LYST: variants seen among roughly 807,000 people sequenced by gnomAD.
LYST encodes the protein lysosomal-trafficking regulator.
In LYST, 192 loss-of-function variants were observed where a neutral mutation model predicts 413.6. The ratio of observed to expected loss-of-function variants is 0.46; its 90% CI spans 0.41 to 0.52. The LOEUF (loss-of-function observed/expected upper bound fraction) is 0.52. Ranked by LOEUF, LYST falls within the 20% of genes least tolerant of loss-of-function variation. The pLI, the probability that LYST is intolerant of heterozygous loss-of-function variation, is 0.00. For missense variants in LYST, 3,815 were observed against 4,499.9 expected (o/e 0.85, Z 4.35); for synonymous variants, 1,525 against 1,567.3 (o/e 0.97, Z 0.64).
At chr1:235,719,214 C>T (rs932490418) in intron 40 of LYST, among the ~76,000 whole-genome samples, 2 of 152,062 alleles carry the variant, frequency 1.3e-5, no homozygotes, top group African/African-American at 4.8e-5. Context: ...GTTAGGGTTT[C>T]ACCATGTTGG....
intron 48 of LYST, 56 bp from the exon 49 acceptor site, chr1:235,677,675 T>G: frequency 7.3e-7 from 1 of 1,363,110 alleles, no homozygotes; most frequent in African/African-American, 1.4e-5. Flanking sequence ...TACTCTAGTA[T>G]AGTATCTCAA....
chr1:235,766,056 C>A (rs781099705), intron 21 of LYST, 23 bp downstream of exon 21: 16 of 1,561,960 alleles, frequency 1.0e-5, no homozygotes, highest in African/African-American at 1.4e-5. Context: ...TAGCCATGAT[C>A]TAACAAAAAT....
intron 47 of LYST, 130 bp from the exon 48 acceptor site, chr1:235,687,177 T>C: frequency 1.4e-6 from 1 of 697,644 alleles, no homozygotes; most frequent in Non-Finnish European, 2.5e-6. Context: ...CTCTCAAAAA[T>C]GTTAGGTAAA....
rs1237317743 is a variant in LYST, at chr1:235,826,902, C to T, written c.192+3324G>A. On this transcript the variant is annotated intron_variant, in intron 3 of 52. Coordinates refer to ENST00000389793, the MANE Select transcript of LYST (RefSeq NM_000081.4). ...TTTGCCATGTTGCCCAGGCTGGTCT[C>T]GAACTCCAGGCCTCAAGTAATCCAT... Among the ~76,000 whole-genome samples, 5 of 151,518 alleles carry T rather than the reference C, an allele frequency of 3.3e-5. No homozygotes were observed. In the East Asian group the frequency reaches 7.9e-4, roughly 24 times the overall value.
intron 48 of LYST, among the ~76,000 whole-genome samples, chr1:235,685,274 T>C (rs1660125209): frequency 6.6e-6 from 1 of 152,142 alleles, no homozygotes; most frequent in African/African-American, 2.4e-5. Context: ...TCCACTGTTC[T>C]GGCTCCTTAA....
intron 33 of LYST, 61 bp downstream of exon 33, chr1:235,733,769 A>C: frequency 6.7e-7 from 1 of 1,498,316 alleles, no homozygotes. Flanking sequence ...TAAAACTAAA[A>C]GTATATGTGA....
chr1:235,822,578 A>AG (rs1457435584), intron 3 of LYST, among the ~76,000 whole-genome samples: 1 of 152,190 alleles, frequency 6.6e-6, no homozygotes, highest in East Asian at 1.9e-4. Flanking sequence ...TTCAACCCTG[A>AG]GGTCATGATG....
intron 22 of LYST, among the ~76,000 whole-genome samples, chr1:235,760,158 A>G (rs1370201097): frequency 1.3e-5 from 2 of 150,128 alleles, no homozygotes; most frequent in Non-Finnish European, 3.0e-5. Context: ...GCAACTAGAT[A>G]TAATTGGATT....
At chr1:235,675,893 A>G (rs1030490568) in intron 50 of LYST, among the ~76,000 whole-genome samples, 1 of 152,206 alleles carries the variant, frequency 6.6e-6, no homozygotes, top group African/African-American at 2.4e-5. Flanking sequence ...AACACCATAC[A>G]TTTTGTGTTA....
At position 235,662,943 on chromosome 1, in the gene LYST, C is replaced by G; in HGVS notation, c.11403G>C (p.Gly3801=). The G allele has an allele frequency of 6.5e-7, 1 of 1,531,874 alleles. No homozygotes were observed. Among genetic ancestry groups the G allele is most frequent in the Non-Finnish European group, 9.1e-7 (1 of 1,104,836 alleles). The allele number at this position is 1,531,874 out of a possible 1,614,324, so 94.9% of individuals were successfully genotyped here. The change falls in exon 53 of 53, where the codon GGG becomes GGC. Residue 3801 remains glycine, a synonymous_variant. Coordinates refer to ENST00000389793, the MANE Select transcript of LYST (RefSeq NM_000081.4). Reference sequence around the variant, plus strand: ...AGAACGTGAAGTTCATTCGCATTCACCCGGCTGCATAGCTGCTAAGGAAGG... The same window carrying G: ...AGAACGTGAAGTTCATTCGCATTCAGCCGGCTGCATAGCTGCTAAGGAAGG... ...FYSFLSSYAA[G]
chr1:235,844,191 AGATT>A (rs1572431401), intron 1 of LYST, among the ~76,000 whole-genome samples: 2 of 152,190 alleles, frequency 1.3e-5, no homozygotes, highest in African/African-American at 4.8e-5. Context: ...ATATATTGAT[AGATT>A]GATTAGCAAC....
intron 14 of LYST, among the ~76,000 whole-genome samples, chr1:235,783,058 G>A (rs1024155487): frequency 1.3e-5 from 2 of 152,156 alleles, no homozygotes; most frequent in Non-Finnish European, 2.9e-5. Context: ...TGAAACCACA[G>A]AGCTCTACCC....
At chr1:235,729,517 G>A (rs1664179289) in intron 37 of LYST, 79 bp downstream of exon 37, 1 of 985,932 alleles carries the variant, frequency 1.0e-6, no homozygotes, top group Non-Finnish European at 1.6e-6. Flanking sequence ...ATGGCATGCT[G>A]TCAAAAAACA....
At chr1:235,847,058 G>A (rs543843056) in intron 1 of LYST, among the ~76,000 whole-genome samples, 7 of 152,116 alleles carry the variant, frequency 4.6e-5, no homozygotes, top group South Asian at 2.1e-4. Flanking sequence ...AAAGATCTTC[G>A]CGTAGGCACA....
chr1:235,687,218 A>AGTAATATTCC (rs1267815835), intron 47 of LYST, among the ~76,000 whole-genome samples, 171 bp from the exon 48 acceptor site: 1 of 152,250 alleles, frequency 6.6e-6, no homozygotes, highest in East Asian at 1.9e-4. Flanking sequence ...TGTCAGATAT[A>AGTAATATTCC]GTAATATTCC....
chr1:235,743,458 A>G (rs1047987241), intron 30 of LYST, among the ~76,000 whole-genome samples: 1 of 152,198 alleles, frequency 6.6e-6, no homozygotes, highest in African/African-American at 2.4e-5. Flanking sequence ...TGCTATCTAT[A>G]GAGTAAACTG....
At chr1:235,793,844 A>ATTT in intron 10 of LYST, among the ~76,000 whole-genome samples, 1 of 152,044 alleles carries the variant, frequency 6.6e-6, no homozygotes, top group South Asian at 2.1e-4. Flanking sequence ...TATTATTATT[A>ATTT]TTATTTTAGA....
intron 44 of LYST, among the ~76,000 whole-genome samples, chr1:235,706,111 T>C (rs888014659): frequency 6.6e-6 from 1 of 152,136 alleles, no homozygotes; most frequent in South Asian, 2.1e-4. Context: ...GCTTTTAAAG[T>C]TGCATTTTGG....
intron 16 of LYST, among the ~76,000 whole-genome samples, chr1:235,780,272 T>G (rs1438454891): frequency 6.6e-6 from 1 of 151,698 alleles, no homozygotes; most frequent in Non-Finnish European, 1.5e-5. Context: ...GGTGTGGTGA[T>G]GCATGACCAC....
Sources: allele counts gnomAD v4.1 joint callset (sites outside exome capture counted in the v4.1 genomes callset), GRCh38; gene constraint gnomAD v4.1.1; transcripts MANE v1.5; gene names NCBI Gene and HGNC (gene_info 2026-07-23, HGNC 2026-07-21).